RAPGEF4: variants seen among roughly 807,000 people sequenced by gnomAD.
The protein encoded by RAPGEF4 is RAP guanine-nucleotide-exchange factor (GEF) 4.
Under a neutral mutation model 147.9 loss-of-function variants are expected in RAPGEF4, and 66 were observed. The ratio of observed to expected loss-of-function variants is 0.45; its 90% CI spans 0.37 to 0.55. The LOEUF (loss-of-function observed/expected upper bound fraction) is 0.55. Among genes scored for constraint, RAPGEF4 ranks in the 20% least tolerant of loss-of-function variants. The pLI is 0.00. For synonymous variants in RAPGEF4, 419 were observed against 442.7 expected (o/e 0.95, Z 0.67); for missense variants, 1,071 against 1,257.3 (o/e 0.85, Z 2.24).
chr2:173,034,231 A>G (rs1683612522), intron 27 of RAPGEF4, among the ~76,000 whole-genome samples: 1 of 152,206 alleles, frequency 6.6e-6, no homozygotes, highest in Non-Finnish European at 1.5e-5. Flanking sequence ...CATCCAGCTC[A>G]GGTTGGCTAT....
chr2:172,964,940 A>C (rs964287553), intron 8 of RAPGEF4, among the ~76,000 whole-genome samples: 1 of 152,210 alleles, frequency 6.6e-6, no homozygotes, highest in Non-Finnish European at 1.5e-5. Flanking sequence ...GCCAGAAAGC[A>C]TGTGGAGCTC....
chr2:172,832,491 T>G (rs1316901044), intron 4 of RAPGEF4, among the ~76,000 whole-genome samples: 1 of 152,226 alleles, frequency 6.6e-6, no homozygotes, highest in African/African-American at 2.4e-5. Context: ...CTTTGCCATT[T>G]AATGTTCTAA....
chr2:172,832,899 G>T (rs1690515551), intron 4 of RAPGEF4, among the ~76,000 whole-genome samples: 1 of 152,258 alleles, frequency 6.6e-6, no homozygotes, highest in Non-Finnish European at 1.5e-5. Flanking sequence ...CACATCCATG[G>T]ATTCAACTAA....
chr2:173,047,304 G>A (rs1345469867), intron 29 of RAPGEF4, among the ~76,000 whole-genome samples: 1 of 152,046 alleles, frequency 6.6e-6, no homozygotes, highest in Non-Finnish European at 1.5e-5. Flanking sequence ...TTTTAATTGA[G>A]CTCAGCACAA....
At chr2:173,043,736 G>A (rs1464454118) in intron 29 of RAPGEF4, among the ~76,000 whole-genome samples, 4 of 152,238 alleles carry the variant, frequency 2.6e-5, no homozygotes, top group Non-Finnish European at 2.9e-5. Flanking sequence ...GAGCCAGGCC[G>A]CAAAGGCCCA....
At chr2:173,014,731 C>A in intron 18 of RAPGEF4, 117 bp downstream of exon 18, 1 of 964,830 alleles carries the variant, frequency 1.0e-6, no homozygotes, top group Non-Finnish European at 1.4e-6. Flanking sequence ...ACTTTGTGAA[C>A]ACATTCATTC....
chr2:172,811,354 A>C (rs111741439), intron 3 of RAPGEF4, among the ~76,000 whole-genome samples: 2 of 152,344 alleles, frequency 1.3e-5, no homozygotes, highest in African/African-American at 4.8e-5. Context: ...TTCCCTTTTG[A>C]AAGTTCTCAA....
At chr2:172,904,613 G>A (rs1378486554) in intron 4 of RAPGEF4, among the ~76,000 whole-genome samples, 1 of 152,132 alleles carries the variant, frequency 6.6e-6, no homozygotes, top group Non-Finnish European at 1.5e-5. Context: ...AATGGGTTGA[G>A]TGTGCTTCAA....
chr2:172,821,260 G>C (rs1294881935), intron 4 of RAPGEF4, among the ~76,000 whole-genome samples: 1 of 152,134 alleles, frequency 6.6e-6, no homozygotes, highest in East Asian at 1.9e-4. Context: ...CTTGGGTATT[G>C]AGTTAGGAAT....
chr2:172,892,205 C>T (rs1698001438), intron 4 of RAPGEF4, among the ~76,000 whole-genome samples: 1 of 152,216 alleles, frequency 6.6e-6, no homozygotes, highest in African/African-American at 2.4e-5. Flanking sequence ...CCCCTGAGAA[C>T]TCTGTCCCTG....
At chr2:172,736,254 T>A in intron 1 of RAPGEF4, 1 of 356,774 alleles carries the variant, frequency 2.8e-6, no homozygotes, top group Non-Finnish European at 5.0e-6. Flanking sequence ...CATGAGATTA[T>A]TACACGTGGT....
intron 4 of RAPGEF4, among the ~76,000 whole-genome samples, chr2:172,904,362 A>G (rs952411229): frequency 6.6e-6 from 1 of 152,226 alleles, no homozygotes; most frequent in African/African-American, 2.4e-5. Context: ...GTAGATTCAG[A>G]CTTAGTGTGA....
chr2:172,919,673 G>C (rs533085166), intron 5 of RAPGEF4, among the ~76,000 whole-genome samples: 1 of 152,176 alleles, frequency 6.6e-6, no homozygotes, highest in African/African-American at 2.4e-5. Context: ...TCCTTCCAGG[G>C]GCAGCCTAAG....
chr2:172,860,297 G>A, intron 4 of RAPGEF4: 1 of 985,410 alleles, frequency 1.0e-6, no homozygotes, highest in Non-Finnish European at 1.2e-6. Flanking sequence ...AGAAGTGTCT[G>A]GTGTAAGTTT....
chr2:173,018,511 TA>T (rs1695716021), intron 21 of RAPGEF4, 144 bp from the exon 22 acceptor site: 1 of 786,236 alleles, frequency 1.3e-6, no homozygotes, highest in Non-Finnish European at 2.0e-6. Context: ...GGGGCAGGAA[TA>T]GGGGTAAATG....
intron 3 of RAPGEF4, 85 bp downstream of exon 3, chr2:172,797,698 A>C (rs1422162768): frequency 5.8e-6 from 6 of 1,036,162 alleles, no homozygotes; most frequent in Non-Finnish European, 8.6e-6. Context: ...TTAAAATTAC[A>C]TTTTCAAGTC....
chr2:172,997,922 C>G (rs17374295), intron 16 of RAPGEF4, among the ~76,000 whole-genome samples: 99,663 of 152,010 alleles, frequency 0.66, 32,920 homozygotes, highest in East Asian at 0.89. Flanking sequence ...ACATAGATTA[C>G]CTGAGGTTTT....
At chr2:172,782,234 T>A (rs1684752984) in intron 1 of RAPGEF4, among the ~76,000 whole-genome samples, 1 of 152,244 alleles carries the variant, frequency 6.6e-6, no homozygotes, top group Non-Finnish European at 1.5e-5. Context: ...AAAGTCTTTG[T>A]CAAACCTTCC....
At chr2:172,754,305 G>A (rs115995926) in intron 1 of RAPGEF4, among the ~76,000 whole-genome samples, 3 of 152,090 alleles carry the variant, frequency 2.0e-5, no homozygotes, top group Admixed American at 2.0e-4. Flanking sequence ...TACAGATCAT[G>A]TGGCTTAAGT....
Sources: allele counts gnomAD v4.1 joint callset (sites outside exome capture counted in the v4.1 genomes callset), GRCh38; gene constraint gnomAD v4.1.1; transcripts MANE v1.5; gene names NCBI Gene and HGNC (gene_info 2026-07-23, HGNC 2026-07-21).